The following CXCL12 variants were observed in gnomAD, a reference collection of about 807,000 sequenced individuals.
The protein encoded by CXCL12 is C-X-C motif chemokine ligand 12.
In CXCL12, 4 loss-of-function variants were observed where a neutral mutation model predicts 10.7. The ratio of observed to expected loss-of-function variants is 0.37; its 90% CI spans 0.18 to 0.86. The LOEUF is 0.86. Ranked by LOEUF, CXCL12 falls within the 40% of genes least tolerant of loss-of-function variation. The pLI is 0.43. For missense variants in CXCL12, 122 were observed against 110.4 expected (o/e 1.10, Z -0.47); for synonymous variants, 54 against 45.4 (o/e 1.19, Z -0.77).
Position 44,377,469 on chromosome 10 carries a change from T to C in CXCL12, c.*1164A>G. ...AGTTACAAATACCACCAGGACCTTCTGTGGATCGCATTTATGCATGGAAAT... is the reference window on the plus strand; with the variant it reads ...AGTTACAAATACCACCAGGACCTTCCGTGGATCGCATTTATGCATGGAAAT... On this transcript the variant is annotated 3_prime_UTR_variant, in exon 3 of 3. Transcript: ENST00000343575. 1 of 1,280,398 alleles carries C rather than the reference T, an allele frequency of 7.8e-7. No homozygotes were observed. The highest frequency in any genetic ancestry group is 9.9e-7 in the Non-Finnish European group (1 of 1,014,402). The allele number at this position is 1,280,398 out of a possible 1,614,324, so 79.3% of individuals were successfully genotyped here.
Position 44,385,011 on chromosome 10 carries a change from G to A in CXCL12, c.-6C>T, listed in dbSNP as rs1839761428. The A allele has an allele frequency of 4.4e-6, 6 of 1,354,678 alleles. No homozygotes were observed. The highest frequency in any genetic ancestry group is 5.8e-6 in the Non-Finnish European group (6 of 1,042,262). The allele number at this position is 1,354,678 out of a possible 1,614,324, so 83.9% of individuals were successfully genotyped here. On this transcript the variant is annotated 5_prime_UTR_variant, in exon 1 of 3. Transcript: ENST00000343575. ...ACCACGACCTTGGCGTTCATGGCGC[G>A]GGCGGGCGGGCGGGCGGGCGGACGA...
At chr10:44,373,381 G>C (rs568467919), downstream of CXCL12, 1 of 1,567,414 alleles carries the variant, frequency 6.4e-7, no homozygotes, top group Non-Finnish European at 8.7e-7. Context: ...ATTAAGGCAG[G>C]TTCCCCCCAC....
At chr10:44,383,680 G>A (rs2132053329) in intron 1 of CXCL12, among the ~76,000 whole-genome samples, 1 of 133,144 alleles carries the variant, frequency 7.5e-6, no homozygotes, top group East Asian at 2.3e-4. Flanking sequence ...ATTCCCAATT[G>A]CCTTCAGTCT....
Position 44,384,989 on chromosome 10 carries a change from A to G in CXCL12, c.17T>C (p.Val6Ala), listed in dbSNP as rs1839758156. The G allele has an allele frequency of 2.2e-6, 2 of 908,810 alleles. No individual in the cohort carries two copies. The highest frequency in any genetic ancestry group is 3.1e-6 in the Non-Finnish European group (2 of 652,738). The allele number at this position is 908,810 out of a possible 1,614,324, so 56.3% of individuals were successfully genotyped here. The change falls in exon 1 of 3, where the codon GTG becomes GCG. Residue 6 changes from valine to alanine, a missense_variant. By Grantham distance (64) the Val-to-Ala change is moderately conservative (BLOSUM62 0). Coordinates refer to ENST00000343575, the MANE Select transcript of CXCL12 (RefSeq NM_199168.4). ...GGTCAGCACGAGGACCAGCACGACC[A>G]CGACCTTGGCGTTCATGGCGCGGGC... is the stretch of plus-strand genomic sequence containing the variant. The part of the protein sequence containing the change: MNAKV[V>A]VVLVLVLTAL...
In CXCL12 at chr10:44,381,557, T is replaced by C. The variant is rs76816127; in HGVS notation, c.62-677A>G. Among the ~76,000 whole-genome samples, 87 of 152,376 alleles carry C rather than the reference T, an allele frequency of 5.7e-4. 2 individuals carry two copies. In the East Asian group the frequency reaches 0.014, roughly 24 times the overall value. ...GTGGAGCTGGAGTTAAATGTGGTTT[T>C]CATTGCCTAGGCAGGGATGCTGTAG... is the stretch of plus-strand genomic sequence containing the variant. On this transcript the variant is annotated intron_variant, in intron 1 of 2. Coordinates refer to ENST00000343575, the MANE Select transcript of CXCL12 (RefSeq NM_199168.4).
At chr10:44,375,824 C>A (rs551406940), downstream of CXCL12, 12 of 1,537,534 alleles carry the variant, frequency 7.8e-6, no homozygotes, top group South Asian at 7.7e-5. Flanking sequence ...TGCTCCCCCA[C>A]GGAAGTCTGA....
chr10:44,373,310 C>T, downstream of CXCL12: 3 of 1,606,254 alleles, frequency 1.9e-6, no homozygotes, highest in Non-Finnish European at 2.5e-6. Context: ...GTAAGGGTTC[C>T]TCAGGCGTCT....
At chr10:44,382,468 T>C (rs1236932397) in intron 1 of CXCL12, among the ~76,000 whole-genome samples, 2 of 152,070 alleles carry the variant, frequency 1.3e-5, no homozygotes, top group Admixed American at 6.5e-5. Context: ...AGCAGGAGAA[T>C]AGGAGGCCGG....
chr10:44,373,446 C>T, downstream of CXCL12: 1 of 1,043,258 alleles, frequency 9.6e-7, no homozygotes, highest in Non-Finnish European at 1.5e-6. Flanking sequence ...GGGCCAATCC[C>T]TACTTCCAAG....
At chr10:44,380,677 C>T (rs1839602730) in intron 2 of CXCL12, 86 bp downstream of exon 2, 3 of 1,186,924 alleles carry the variant, frequency 2.5e-6, no homozygotes, top group African/African-American at 3.0e-5. Flanking sequence ...GTCACCTCTA[C>T]ACCTTTAATA....
At position 44,385,065 on chromosome 10, in the gene CXCL12, G is replaced by C; in HGVS notation, c.-60C>G. ...CGGGTCGGGGGCCGGACGCCGAGCG[G>C]GCAATGCGGCTGACGGAGAGTGAAA... On this transcript the variant is annotated 5_prime_UTR_variant, in exon 1 of 3. Transcript: ENST00000343575. 1 of 1,273,142 alleles carries C rather than the reference G, an allele frequency of 7.9e-7. No individual in the cohort carries two copies. The highest frequency in any genetic ancestry group is 1.0e-6 in the Non-Finnish European group (1 of 954,982). The allele number at this position is 1,273,142 out of a possible 1,614,324, so 78.9% of individuals were successfully genotyped here. A position where few individuals can be genotyped will look rare whatever the true frequency, so the allele number is the denominator to read the frequency against.
rs76444314 is a variant in CXCL12, at chr10:44,385,008, CGCGGGCGGGCGG to C, written c.-15_-4del. The C allele has an allele frequency of 3.2e-4, 133 of 410,968 alleles. 2 individuals are homozygous for C. The highest frequency in any genetic ancestry group is 8.6e-4 in the African/African-American group (35 of 40,546). 25.5% of individuals were successfully genotyped at this position (410,968 alleles called of 1,614,324 possible). Reference sequence around the variant, plus strand: ...ACGACCACGACCTTGGCGTTCATGGCGCGGGCGGGCGGGCGGGCGGGCGGACGAGCGCGGGTC... The same window carrying C: ...ACGACCACGACCTTGGCGTTCATGGCGCGGGCGGGCGGACGAGCGCGGGTC... On this transcript the variant is annotated 5_prime_UTR_variant, in exon 1 of 3. Transcript: ENST00000343575.
Position 44,377,763 on chromosome 10 carries a change from G to T in CXCL12, c.*870C>A. The stretch of plus-strand genomic sequence containing the variant: ...CAGGGGGACCATTACACATCCCCAG[G>T]AGAGGGCCAGCTCCATTCTGGAGGA... On this transcript the variant is annotated 3_prime_UTR_variant, in exon 3 of 3. Coordinates refer to ENST00000343575, the MANE Select transcript of CXCL12 (RefSeq NM_199168.4). 1 of 1,598,386 alleles carries T rather than the reference G, an allele frequency of 6.3e-7. No homozygotes were observed. Among genetic ancestry groups the T allele is most frequent in the South Asian group, 1.1e-5 (1 of 91,058 alleles).
At chr10:44,374,030 G>A (rs1588894608), downstream of CXCL12, among the ~76,000 whole-genome samples, 1 of 152,172 alleles carries the variant, frequency 6.6e-6, no homozygotes, top group Non-Finnish European at 1.5e-5. Flanking sequence ...CCTGCTCCCA[G>A]GAGCTTCACA....
chr10:44,378,418 G>T lies in CXCL12; in HGVS notation c.*215C>A, dbSNP rs1839524877. 1 of 1,552,358 alleles carries T rather than the reference G, an allele frequency of 6.4e-7. No homozygotes were observed. The highest frequency in any genetic ancestry group is 2.4e-5 in the East Asian group (1 of 42,012). On this transcript the variant is annotated 3_prime_UTR_variant, in exon 3 of 3. Transcript: ENST00000343575. The stretch of plus-strand genomic sequence containing the variant: ...ACGTGCACAGGTACAGGGCATGGAT[G>T]AATATAAGCTGCAATATCATACCGT...
At chr10:44,373,363 GA>G (rs767199543), downstream of CXCL12, 1 of 1,599,822 alleles carries the variant, frequency 6.3e-7, no homozygotes, top group Non-Finnish European at 8.5e-7. Context: ...AGAACAGAGG[GA>G]AACACCATTA....
At chr10:44,376,959 C>A, downstream of CXCL12, 3 of 248,834 alleles carry the variant, frequency 1.2e-5, no homozygotes, top group Non-Finnish European at 1.9e-5. Context: ...CAGATCTAAT[C>A]TGCTCGTGAG....
chr10:44,372,921 C>T (rs1839349935), downstream of CXCL12: 1 of 1,535,948 alleles, frequency 6.5e-7, no homozygotes, highest in Non-Finnish European at 8.7e-7. Context: ...GTCCTGGCAC[C>T]CCCAGGCGTC....
chr10:44,373,115 C>T (rs780027918), downstream of CXCL12: 48 of 1,534,648 alleles, frequency 3.1e-5, 1 homozygote, highest in East Asian at 6.9e-4. Context: ...CTACGTGTCG[C>T]CAGTGACACT....
Sources: gnomAD v4.1 joint callset for allele counts (sites outside exome capture counted in the v4.1 genomes callset) on GRCh38, gnomAD v4.1.1 for gene constraint, MANE v1.5 for transcripts, NCBI Gene and HGNC (gene_info 2026-07-23, HGNC 2026-07-21) for gene names.